The following SLC12A8 variants were observed in gnomAD, a reference collection of about 807,000 sequenced individuals.
The protein encoded by SLC12A8 is cation-chloride cotransporter 9.
A neutral mutation model predicts 75.6 loss-of-function variants in SLC12A8; 69 were observed. The ratio of observed to expected loss-of-function variants is 0.91; its 90% confidence interval spans 0.75 to 1.11. The LOEUF (loss-of-function observed/expected upper bound fraction) is 1.11. Ranked by LOEUF, SLC12A8 falls within the 50% of genes most tolerant of loss-of-function variation. The pLI is 0.00. For missense variants in SLC12A8, 877 were observed against 896.7 expected (o/e 0.98, Z 0.28); for synonymous variants, 365 against 372.8 (o/e 0.98, Z 0.24).
At chr3:125,158,307 G>A (rs1934093980) in intron 5 of SLC12A8, among the ~76,000 whole-genome samples, 1 of 151,572 alleles carries the variant, frequency 6.6e-6, no homozygotes, top group East Asian at 1.9e-4. Flanking sequence ...TACAGCTCCT[G>A]CCTCCCAGGT....
Position 125,107,880 on chromosome 3 carries a change from C to G in SLC12A8, c.1306G>C (p.Glu436Gln), listed in dbSNP as rs1337682147. 4 of 1,614,070 alleles carry G rather than the reference C, an allele frequency of 2.5e-6. No homozygotes were observed. The highest frequency in any genetic ancestry group is 3.4e-6 in the Non-Finnish European group (4 of 1,180,056). ...GLHCSEHLLL[E>Q]KAPSYGSEGP... Reference sequence around the variant, plus strand: ...TCAGAGCCGTAACTGGGAGCTTTCTCTAAGAGCAGGTGCTCAGAGCAGTGG... The same window carrying G: ...TCAGAGCCGTAACTGGGAGCTTTCTGTAAGAGCAGGTGCTCAGAGCAGTGG... The change falls in exon 10 of 14, where the codon GAG (glutamate) becomes CAG (glutamine). Residue 436 changes from glutamate to glutamine, a missense_variant. Coordinates refer to ENST00000469902, the MANE Select transcript of SLC12A8 (RefSeq NM_024628.6).
chr3:125,100,990 G>A (rs1228590844), intron 10 of SLC12A8, among the ~76,000 whole-genome samples: 7 of 141,834 alleles, frequency 4.9e-5, no homozygotes, highest in Non-Finnish European at 7.6e-5. Context: ...TCCGCAGTCC[G>A]GCCTGGGCGA....
In SLC12A8 at chr3:125,086,458, T is replaced by G. The variant is rs542294972; in HGVS notation, c.1982+1852A>C. The stretch of plus-strand genomic sequence containing the variant: ...AATCCTAGGAATTCAGAGTACAACA[T>G]AAGGACTGGTGACCTCCTATGGCAT... On this transcript the variant is annotated intron_variant, in intron 13 of 13. Coordinates refer to ENST00000469902, the MANE Select transcript of SLC12A8 (RefSeq NM_024628.6). Among the ~76,000 whole-genome samples, 4 of 152,258 alleles carry G rather than the reference T, an allele frequency of 2.6e-5. No individual in the cohort carries two copies. The East Asian group carries it at 7.7e-4, about 29-fold the overall frequency.
chr3:125,105,540 CA>C (rs1344841823), intron 10 of SLC12A8, among the ~76,000 whole-genome samples: 1 of 151,994 alleles, frequency 6.6e-6, no homozygotes, highest in East Asian at 1.9e-4. Flanking sequence ...AAGAAAAAAC[CA>C]AGGCAATTAT....
At chr3:125,121,152 C>A (rs1933049447) in intron 6 of SLC12A8, among the ~76,000 whole-genome samples, 1 of 152,208 alleles carries the variant, frequency 6.6e-6, no homozygotes, top group South Asian at 2.1e-4. Context: ...ATCCTCCAAG[C>A]CCCTGAGCTA....
At chr3:125,152,762 T>C (rs1933958632) in intron 5 of SLC12A8, among the ~76,000 whole-genome samples, 1 of 152,182 alleles carries the variant, frequency 6.6e-6, no homozygotes, top group African/African-American at 2.4e-5. Flanking sequence ...AGGGTTTCGG[T>C]GACTTGCCCA....
chr3:125,151,990 A>G (rs1029931493), intron 5 of SLC12A8, among the ~76,000 whole-genome samples: 2 of 152,310 alleles, frequency 1.3e-5, no homozygotes, highest in Admixed American at 6.5e-5. Flanking sequence ...CGCTTAGGTG[A>G]TTTCCCCAAG....
Position 125,188,376 on chromosome 3 carries a change from C to T in SLC12A8, c.199-948G>A, listed in dbSNP as rs542968695. On this transcript the variant is annotated intron_variant, in intron 3 of 13. Coordinates refer to ENST00000469902, the MANE Select transcript of SLC12A8 (RefSeq NM_024628.6). ...ACCTCTTTTCTTCATAAATTAGCCT[C>T]AGGTATTCCTTTATAGCAATGTAAC... 2.0e-5 allele frequency among the ~76,000 whole-genome samples: 3 copies of T among 152,310 alleles called. No individual in the cohort carries two copies. In the East Asian group the frequency reaches 5.8e-4, roughly 29 times the overall value.
At position 125,091,500 on chromosome 3, in the gene SLC12A8, G is replaced by A. The variant is rs772484646; in HGVS notation, c.1860C>T (p.Asn620=). The A allele has an allele frequency of 1.2e-6, 2 of 1,613,992 alleles. No individual in the cohort carries two copies. The highest frequency in any genetic ancestry group is 2.2e-5 in the East Asian group (1 of 44,886). Residue 620 remains asparagine, a synonymous_variant, in exon 12 of 14, where the codon AAC becomes AAT. Transcript: ENST00000469902. The part of the protein sequence containing the change: ...FVIQWVYTLV[N]MGVAAIVYFY... ...AATACACGATGGCAGCAACACCCATGTTAACCAGGGTATACACCCACTGTA... is the reference window on the plus strand; with the variant it reads ...AATACACGATGGCAGCAACACCCATATTAACCAGGGTATACACCCACTGTA...
Position 125,088,362 on chromosome 3 carries a change from AG to A in SLC12A8, c.1929del (p.Ser644ProfsTer9), listed in dbSNP as rs1938511635. ...RASPGLHLGS[A>X]SNFSFFRWMR... ...ATCCACCGGAAAAAGCTGAAGTTGG[AG>A]GCTGATCCTGCAGGGAAGACATATA... On this transcript the variant is annotated frameshift_variant, in exon 13 of 14. Coordinates refer to ENST00000469902, the MANE Select transcript of SLC12A8 (RefSeq NM_024628.6). LOFTEE classifies it high-confidence loss of function. The A allele has an allele frequency of 3.1e-6, 5 of 1,614,092 alleles. No individual in the cohort carries two copies. The highest frequency in any genetic ancestry group is 4.2e-6 in the Non-Finnish European group (5 of 1,180,032).
In SLC12A8 at chr3:125,091,415, T is replaced by G. The variant is rs1195872673; in HGVS notation, c.1921+24A>C. 7.2e-6 allele frequency: 11 copies of G among 1,519,368 alleles called. 1 individual carries two copies. In the South Asian group the frequency reaches 1.1e-4, roughly 16 times the overall value. The allele number at this position is 1,519,368 out of a possible 1,614,324, so 94.1% of individuals were successfully genotyped here. ...ATGGTAGAGAGAATGAGGGAACCAG[T>G]GGCAAAATGGCTCTGCTGCTTACCA... On this transcript the variant is annotated intron_variant, in intron 12 of 13. Coordinates refer to ENST00000469902, the MANE Select transcript of SLC12A8 (RefSeq NM_024628.6).
intron 2 of SLC12A8, among the ~76,000 whole-genome samples, chr3:125,201,570 C>T (rs1935121097): frequency 6.6e-6 from 1 of 151,874 alleles, no homozygotes. Context: ...CCCAAGAGTT[C>T]AAGACCAGCC....
At chr3:125,095,701 T>C (rs1217862285) in intron 10 of SLC12A8, among the ~76,000 whole-genome samples, 1 of 152,204 alleles carries the variant, frequency 6.6e-6, no homozygotes, top group African/African-American at 2.4e-5. Context: ...AACTCAGTCT[T>C]GATTCTTCAC....
rs191810639 is a variant in SLC12A8, at chr3:125,185,000, C to T, written c.390+2237G>A. ...GAAAATCTATAGACAATTAATATGC[C>T]GATGCATTAGATAACCTACGTGAAG... On this transcript the variant is annotated intron_variant, in intron 4 of 13. Transcript: ENST00000469902. 1.1e-4 allele frequency among the ~76,000 whole-genome samples: 16 copies of T among 152,132 alleles called. No individual in the cohort carries two copies. In the East Asian group the frequency reaches 2.9e-3, roughly 28 times the overall value.
At chr3:125,126,021 A>G in intron 6 of SLC12A8, 1 of 649,776 alleles carries the variant, frequency 1.5e-6, no homozygotes, top group Non-Finnish European at 1.9e-6. Context: ...GAAGCAGTTA[A>G]TTGCTTTACC....
chr3:125,125,853 A>G (rs531575405), intron 6 of SLC12A8: 1 of 745,954 alleles, frequency 1.3e-6, no homozygotes, highest in South Asian at 6.0e-5. Context: ...TAGTAATTGC[A>G]TGATTAATGT....
At chr3:125,090,607 T>C (rs983257547) in intron 12 of SLC12A8, among the ~76,000 whole-genome samples, 1 of 152,250 alleles carries the variant, frequency 6.6e-6, no homozygotes, top group Admixed American at 6.5e-5. Flanking sequence ...TGTTTTTAAG[T>C]GCATAAATGT....
chr3:125,176,024 T>C (rs75703575), intron 5 of SLC12A8, among the ~76,000 whole-genome samples: 4,718 of 152,156 alleles, frequency 0.031, 111 homozygotes, highest in African/African-American at 0.054. Context: ...TCAGAAGTAG[T>C]AAGGCCAGAT....
chr3:125,179,078 C>T (rs186847832), intron 4 of SLC12A8, among the ~76,000 whole-genome samples: 38 of 152,270 alleles, frequency 2.5e-4, no homozygotes, highest in African/African-American at 9.1e-4. Context: ...TCCTTCACTG[C>T]CCCCAGGGCC....
Sources: allele counts gnomAD v4.1 joint callset (sites outside exome capture counted in the v4.1 genomes callset), GRCh38; gene constraint gnomAD v4.1.1; transcripts MANE v1.5; gene names NCBI Gene and HGNC (gene_info 2026-07-23, HGNC 2026-07-21).